The following AP1G1 variants were observed in gnomAD, a reference collection of about 807,000 sequenced individuals.
AP1G1 encodes the protein adaptor related protein complex 1 subunit gamma 1.
A neutral mutation model predicts 108.3 loss-of-function variants in AP1G1; 7 were observed. The ratio of observed to expected loss-of-function variants is 0.06; its 90% CI spans 0.04 to 0.12. AP1G1 has a LOEUF of 0.12. Among genes scored for constraint, AP1G1 ranks in the 10% least tolerant of loss-of-function variants. AP1G1 has a pLI of 1.00. For missense variants in AP1G1, 756 were observed against 1,010.7 expected (o/e 0.75, Z 3.42); for synonymous variants, 379 against 353.5 (o/e 1.07, Z -0.81).
intron 4 of AP1G1, 137 bp from the exon 5 acceptor site, chr16:71,771,389 T>C (rs903228087): frequency 1.3e-4 from 72 of 566,228 alleles, no homozygotes; most frequent in African/African-American, 1.2e-3. Flanking sequence ...AGAGGTTAGA[T>C]ATTAGATTTA....
At chr16:71,741,545 T>G (rs1191231141) in intron 19 of AP1G1, among the ~76,000 whole-genome samples, 9 of 152,132 alleles carry the variant, frequency 5.9e-5, no homozygotes, top group Non-Finnish European at 1.3e-4. Flanking sequence ...ATCACACCAT[T>G]GCACTCCAGC....
At chr16:71,786,095 A>T (rs971115517) in intron 2 of AP1G1, among the ~76,000 whole-genome samples, 1 of 152,206 alleles carries the variant, frequency 6.6e-6, no homozygotes, top group African/African-American at 2.4e-5. Context: ...TCCCAGTCCC[A>T]TTCAGAAAAA....
chr16:71,750,332 C>A lies in AP1G1; in HGVS notation c.1285G>T (p.Ala429Ser). The change falls in exon 14 of 23, where the codon GCA (alanine) becomes TCA (serine). Residue 429 changes from alanine to serine, a missense_variant and splice_region_variant. This residue lies in a region of AP1G1 where 357 missense variants were observed against 366.5 expected (regional missense o/e 0.97). Coordinates refer to ENST00000299980, the MANE Select transcript of AP1G1 (RefSeq NM_001128.6). ...GCATCATCACGAACATAACTTCCTG[C>A]CTAAAAGGAAATGCAGACAATTACC... is the stretch of plus-strand genomic sequence containing the variant. ...IDTIMRVLTT[A>S]GSYVRDDAVP... 1 of 1,613,704 alleles carries A rather than the reference C, an allele frequency of 6.2e-7. No homozygotes were observed. Among genetic ancestry groups the A allele is most frequent in the Non-Finnish European group, 8.5e-7 (1 of 1,179,922 alleles).
chr16:71,804,440 C>T (rs1357850343), intron 1 of AP1G1, among the ~76,000 whole-genome samples: 1 of 143,814 alleles, frequency 7.0e-6, no homozygotes, highest in Non-Finnish European at 1.5e-5. Context: ...ACAGAGCCTC[C>T]ATCTGTCACC....
intron 2 of AP1G1, chr16:71,777,632 T>G: frequency 4.4e-6 from 2 of 453,590 alleles, no homozygotes; most frequent in South Asian, 3.2e-5. Flanking sequence ...TGTCTTCTAC[T>G]GCTAGGGATC....
rs2045480769 is a variant in AP1G1, at chr16:71,732,103, C to T, written c.*955G>A. ...TCTTTGAAACTGGTGAACTCCTCTTCCACCCATTACCATAGTTCAAACAGG... is the reference window on the plus strand; with the variant it reads ...TCTTTGAAACTGGTGAACTCCTCTTTCACCCATTACCATAGTTCAAACAGG... On this transcript the variant is annotated 3_prime_UTR_variant, in exon 23 of 23. Coordinates refer to ENST00000299980, the MANE Select transcript of AP1G1 (RefSeq NM_001128.6). 1 of 152,290 alleles carries T rather than the reference C, an allele frequency of 6.6e-6. No homozygotes were observed. The highest frequency in any genetic ancestry group is 6.5e-5 in the Admixed American group (1 of 15,288). 9.4% of individuals were successfully genotyped at this position (152,290 alleles called of 1,614,324 possible).
chr16:71,800,592 G>C (rs1309760894), intron 1 of AP1G1, among the ~76,000 whole-genome samples: 2 of 151,030 alleles, frequency 1.3e-5, no homozygotes, highest in Non-Finnish European at 2.9e-5. Context: ...ACGAGGTCAG[G>C]AGATGGAGAC....
chr16:71,797,056 A>G (rs956363220), intron 1 of AP1G1, among the ~76,000 whole-genome samples: 7 of 151,214 alleles, frequency 4.6e-5, no homozygotes, highest in Non-Finnish European at 7.4e-5. Flanking sequence ...GTATATAAGC[A>G]TGAAAAGCAA....
intron 10 of AP1G1, among the ~76,000 whole-genome samples, chr16:71,760,186 G>C (rs2145459599): frequency 6.6e-6 from 1 of 150,960 alleles, no homozygotes; most frequent in African/African-American, 2.4e-5. Flanking sequence ...GTGTTCTTTA[G>C]AAGGAGAAGA....
chr16:71,768,194 A>T (rs1014192941), intron 6 of AP1G1, among the ~76,000 whole-genome samples: 7 of 3,032 alleles, frequency 2.3e-3, no homozygotes, highest in African/African-American at 5.1e-3. Context: ...TACTAGTTTA[A>T]AAAAAAAAAA....
At chr16:71,802,086 C>A (rs909171963) in intron 1 of AP1G1, among the ~76,000 whole-genome samples, 7 of 152,036 alleles carry the variant, frequency 4.6e-5, no homozygotes, top group African/African-American at 1.5e-4. Context: ...ATAAGAGATA[C>A]TCAATGTGTA....
chr16:71,806,687 A>C, intron 1 of AP1G1: 1 of 1,286,988 alleles, frequency 7.8e-7, no homozygotes, highest in Non-Finnish European at 1.0e-6. Context: ...CATACTTACT[A>C]AATGAGTGAG....
At chr16:71,736,180 A>T (rs1369687412) in intron 21 of AP1G1, among the ~76,000 whole-genome samples, 7 of 144,330 alleles carry the variant, frequency 4.8e-5, no homozygotes, top group Admixed American at 3.5e-4. Context: ...CATTAAAATT[A>T]TGTAAGCTAA....
chr16:71,785,378 C>G (rs952623929), intron 2 of AP1G1, among the ~76,000 whole-genome samples: 3 of 151,644 alleles, frequency 2.0e-5, no homozygotes, highest in Admixed American at 2.0e-4. Flanking sequence ...GAGTTCAAGA[C>G]TAGTCTGGAC....
At chr16:71,773,679 A>G (rs1232501988) in intron 3 of AP1G1, among the ~76,000 whole-genome samples, 1 of 152,124 alleles carries the variant, frequency 6.6e-6, no homozygotes, top group Non-Finnish European at 1.5e-5. Flanking sequence ...GGGGTGGTTC[A>G]CACCTGTAAT....
intron 6 of AP1G1, chr16:71,769,377 T>G: frequency 4.3e-5 from 19 of 440,114 alleles, no homozygotes; most frequent in East Asian, 1.4e-4. Context: ...ATAAAACACA[T>G]GAGATTGGTG....
chr16:71,766,361 T>TC (rs2031312767), intron 6 of AP1G1: 1 of 423,262 alleles, frequency 2.4e-6, no homozygotes, highest in African/African-American at 2.1e-5. Context: ...CTTCCTTTAC[T>TC]TTATCCATTA....
intron 1 of AP1G1, among the ~76,000 whole-genome samples, chr16:71,799,975 C>G (rs1567665422): frequency 6.6e-6 from 1 of 151,714 alleles, no homozygotes; most frequent in Non-Finnish European, 1.5e-5. Flanking sequence ...AACCCCAGCA[C>G]TTTGGGAGGC....
Position 71,789,445 on chromosome 16 carries a change from C to T in AP1G1, c.35G>A (p.Arg12Gln). 1 of 1,614,110 alleles carries T rather than the reference C, an allele frequency of 6.2e-7. No individual in the cohort carries two copies. The highest frequency in any genetic ancestry group is 8.5e-7 in the Non-Finnish European group (1 of 1,180,028). The stretch of plus-strand genomic sequence containing the variant: ...TTGGGTTCGGGCTGTCCGGATGGTC[C>T]GGATCAGCTCCCGCAATCTGATGGG... Reference protein sequence around the residue: ...PAPIRLRELIRTIRTARTQAE... With the variant: ...PAPIRLRELIQTIRTARTQAE... The change falls in exon 2 of 23, where the codon CGG (arginine) becomes CAG (glutamine). Residue 12 changes from arginine to glutamine, a missense_variant. Arg to Gln is a conservative substitution (Grantham distance 43). Transcript: ENST00000299980.
Sources: allele counts gnomAD v4.1 joint callset (sites outside exome capture counted in the v4.1 genomes callset), GRCh38; gene constraint gnomAD v4.1.1; regional missense constraint gnomAD v4.1.1; transcripts MANE v1.5; gene names NCBI Gene and HGNC (gene_info 2026-07-23, HGNC 2026-07-21).